SGCZ: variants seen among roughly 807,000 people sequenced by gnomAD.
SGCZ encodes the protein sarcoglycan zeta.
SGCZ carries 40 observed loss-of-function variants against 41.3 expected under a neutral mutation model. The ratio of observed to expected loss-of-function variants is 0.97; its 90% CI spans 0.75 to 1.26. The LOEUF (loss-of-function observed/expected upper bound fraction) is 1.26. Among genes scored for constraint, SGCZ ranks in the 50% most tolerant of loss-of-function variants. The pLI, the probability that SGCZ is intolerant of heterozygous loss-of-function variation, is 0.00. For missense variants in SGCZ, 552 were observed against 369.8 expected, an observed-to-expected ratio of 1.49 and a Z score of -4.04; for synonymous variants, 206 against 137.5, an observed-to-expected ratio of 1.50 and a Z score of -3.49.
intron 1 of SGCZ, among the ~76,000 whole-genome samples, chr8:15,228,990 T>C (rs1330184981): frequency 1.3e-5 from 2 of 152,080 alleles, no homozygotes; most frequent in African/African-American, 2.4e-5. Flanking sequence ...GGTCAGGAGT[T>C]CAAGACCAGC....
chr8:14,473,808 G>A (rs1801280182), intron 2 of SGCZ, among the ~76,000 whole-genome samples: 1 of 151,726 alleles, frequency 6.6e-6, no homozygotes, highest in African/African-American at 2.4e-5. Context: ...CGTGGTGGCG[G>A]GCACGCGTAG....
intron 2 of SGCZ, among the ~76,000 whole-genome samples, chr8:14,469,599 G>C (rs1175645445): frequency 6.6e-6 from 1 of 151,940 alleles, no homozygotes; most frequent in East Asian, 1.9e-4. Flanking sequence ...CTGATGGAAT[G>C]ATGGCCAGTA....
intron 1 of SGCZ, among the ~76,000 whole-genome samples, chr8:14,668,031 A>T (rs1170023550): frequency 6.6e-6 from 1 of 152,090 alleles, no homozygotes; most frequent in Non-Finnish European, 1.5e-5. Context: ...ATCCCGGCTC[A>T]CTGCAACCTC....
chr8:14,728,317 T>C (rs1585213824), intron 1 of SGCZ, among the ~76,000 whole-genome samples: 1 of 118,230 alleles, frequency 8.5e-6, no homozygotes, highest in South Asian at 2.6e-4. Context: ...GAAAGAAAAC[T>C]AAAGCTTTAA....
intron 1 of SGCZ, among the ~76,000 whole-genome samples, chr8:14,738,764 G>C (rs746259170): frequency 2.6e-5 from 4 of 152,114 alleles, no homozygotes; most frequent in East Asian, 1.9e-4. Flanking sequence ...GCTTGCAAAA[G>C]AAGATAACCC....
intron 2 of SGCZ, among the ~76,000 whole-genome samples, chr8:14,410,195 A>T (rs1427113528): frequency 6.6e-6 from 1 of 152,070 alleles, no homozygotes; most frequent in Non-Finnish European, 1.5e-5. Context: ...TCTGAGGTGG[A>T]ACATTTATCC....
chr8:14,661,598 G>A (rs11203651), intron 1 of SGCZ, among the ~76,000 whole-genome samples: 51,525 of 151,934 alleles, frequency 0.34, 11,246 homozygotes, highest in African/African-American at 0.63. Context: ...AACAAACCAT[G>A]ACTCAACATA....
chr8:14,985,800 T>C (rs537354757), intron 1 of SGCZ, among the ~76,000 whole-genome samples: 20 of 152,308 alleles, frequency 1.3e-4, no homozygotes, highest in African/African-American at 3.4e-4. Flanking sequence ...GACTTACTCA[T>C]TGAATATTTA....
At chr8:14,124,619 T>C (rs1028318267) in intron 5 of SGCZ, among the ~76,000 whole-genome samples, 2 of 152,204 alleles carry the variant, frequency 1.3e-5, no homozygotes, top group Admixed American at 6.6e-5. Context: ...TGCTCTGACA[T>C]TGTTAGGCAT....
At chr8:14,100,644 T>C (rs907954293) in intron 7 of SGCZ, among the ~76,000 whole-genome samples, 2 of 149,328 alleles carry the variant, frequency 1.3e-5, no homozygotes, top group African/African-American at 4.9e-5. Flanking sequence ...ATATTATACA[T>C]TAGATTGCTA....
intron 1 of SGCZ, among the ~76,000 whole-genome samples, chr8:15,010,898 A>T (rs902239650): frequency 8.5e-5 from 13 of 152,158 alleles, no homozygotes; most frequent in Non-Finnish European, 1.5e-5. Flanking sequence ...ATACATTGTA[A>T]TCCTTCAAAC....
chr8:15,179,480 A>G (rs1449956463), intron 1 of SGCZ, among the ~76,000 whole-genome samples: 1 of 152,200 alleles, frequency 6.6e-6, no homozygotes, highest in Non-Finnish European at 1.5e-5. Flanking sequence ...GGTTTTCATG[A>G]TCTCAAGATG....
At chr8:14,979,156 A>C (rs1801582761) in intron 1 of SGCZ, among the ~76,000 whole-genome samples, 1 of 152,204 alleles carries the variant, frequency 6.6e-6, no homozygotes. Flanking sequence ...GAAAATATTA[A>C]AAATTATGAA....
intron 3 of SGCZ, among the ~76,000 whole-genome samples, chr8:14,315,861 G>A (rs931178149): frequency 4.6e-5 from 7 of 150,984 alleles, no homozygotes; most frequent in African/African-American, 1.7e-4. Context: ...AATATAGTAG[G>A]AAAACAAATG....
chr8:14,174,906 T>C (rs73524175), intron 4 of SGCZ, among the ~76,000 whole-genome samples: 1 of 152,274 alleles, frequency 6.6e-6, no homozygotes, highest in African/African-American at 2.4e-5. Flanking sequence ...CTTGACATCA[T>C]CTTCCCTTTT....
chr8:14,993,809 G>A (rs1016098105), intron 1 of SGCZ, among the ~76,000 whole-genome samples: 2 of 152,180 alleles, frequency 1.3e-5, no homozygotes, highest in East Asian at 3.9e-4. Context: ...ATAAGGTAGG[G>A]ATTTATGGGC....
chr8:14,948,034 C>T (rs1213686700), intron 1 of SGCZ, among the ~76,000 whole-genome samples: 1 of 152,122 alleles, frequency 6.6e-6, no homozygotes. Flanking sequence ...GAAACTTCTT[C>T]ATTATGGAGA....
intron 2 of SGCZ, among the ~76,000 whole-genome samples, chr8:14,524,451 C>A (rs1399511132): frequency 6.6e-6 from 1 of 152,024 alleles, no homozygotes; most frequent in Non-Finnish European, 1.5e-5. Flanking sequence ...ATATGACCCT[C>A]AGTGATACTG....
intron 1 of SGCZ, among the ~76,000 whole-genome samples, chr8:15,160,794 A>C (rs2117040375): frequency 6.6e-6 from 1 of 152,302 alleles, no homozygotes; most frequent in East Asian, 1.9e-4. Context: ...GCATCCTCCC[A>C]GGTGCTCAGG....
Sources: gnomAD v4.1 joint callset for allele counts (sites outside exome capture counted in the v4.1 genomes callset) on GRCh38, gnomAD v4.1.1 for gene constraint, MANE v1.5 for transcripts, NCBI Gene and HGNC (gene_info 2026-07-23, HGNC 2026-07-21) for gene names.